The following FAM162A variants were observed in gnomAD, a reference collection of about 807,000 sequenced individuals.
FAM162A encodes the protein protein FAM162A.
FAM162A carries 23 observed loss-of-function variants against 21.8 expected under a neutral mutation model. The observed-to-expected ratio is 1.05, with a 90% CI of 0.76 to 1.49. FAM162A has a LOEUF of 1.49. Ranked by LOEUF, FAM162A falls within the 40% of genes most tolerant of loss-of-function variation. FAM162A has a pLI of 0.00. For synonymous variants in FAM162A, 53 were observed against 61.3 expected (o/e 0.86, Z 0.64); for missense variants, 165 against 186.4 (o/e 0.89, Z 0.67).
chr3:122,397,135 T>G (rs2107697950), intron 1 of FAM162A, among the ~76,000 whole-genome samples: 1 of 152,344 alleles, frequency 6.6e-6, no homozygotes, highest in Admixed American at 6.5e-5. Flanking sequence ...TTTAAAAATC[T>G]TAACAACCAT....
chr3:122,410,811 GATGAA>G lies in FAM162A; in HGVS notation c.*983_*987del, dbSNP rs1269322944. 1 of 152,180 alleles carries G rather than the reference GATGAA, an allele frequency of 6.6e-6. No individual in the cohort carries two copies. 9.4% of individuals were successfully genotyped at this position (152,180 alleles called of 1,614,324 possible). On this transcript the variant is annotated 3_prime_UTR_variant, in exon 5 of 5. Coordinates refer to ENST00000477892, the MANE Select transcript of FAM162A (RefSeq NM_014367.4). ...GATTACATACCATTCAGTGTAGCAT[GATGAA>G]ATCTCTTGCCAATCTGTTCCATCCA...
intron 1 of FAM162A, 40 bp from the exon 2 acceptor site, chr3:122,402,720 C>CTTTT: frequency 6.8e-7 from 1 of 1,461,036 alleles, no homozygotes; most frequent in Non-Finnish European, 9.1e-7. Context: ...ATCACATTTT[C>CTTTT]TTTCTTTCTT....
intron 1 of FAM162A, among the ~76,000 whole-genome samples, chr3:122,393,263 AATG>A (rs2075612021): frequency 1.3e-5 from 2 of 152,152 alleles, no homozygotes; most frequent in South Asian, 4.1e-4. Flanking sequence ...ACCCAAAAGC[AATG>A]ATAACACTGC....
chr3:122,386,941 C>T (rs890378892), intron 1 of FAM162A, among the ~76,000 whole-genome samples: 1 of 152,166 alleles, frequency 6.6e-6, no homozygotes, highest in African/African-American at 2.4e-5. Flanking sequence ...GCAGTTCATG[C>T]TCTTTAAGTT....
intron 1 of FAM162A, among the ~76,000 whole-genome samples, chr3:122,392,147 G>T (rs1354073312): frequency 6.6e-6 from 1 of 152,226 alleles, no homozygotes; most frequent in Non-Finnish European, 1.5e-5. Context: ...TAGCTGAGAG[G>T]CAGTTTGTCT....
At chr3:122,407,743 G>T in intron 4 of FAM162A, 2 of 321,592 alleles carry the variant, frequency 6.2e-6, no homozygotes, top group Non-Finnish European at 1.1e-5. Context: ...GTACCCAAGT[G>T]TATTTACCCT....
rs185586046 is a variant in FAM162A, at chr3:122,404,295, T to C, written c.195T>C (p.Asp65=). The C allele has an allele frequency of 3.1e-6, 5 of 1,609,404 alleles. No individual in the cohort carries two copies. Among genetic ancestry groups the C allele is most frequent in the Middle Eastern group, 1.7e-4 (1 of 6,050 alleles). ...GAGTGCCTTTACACAAACCTACGGA[T>C]TGGCAGAAAAAGATCCTCATATGGT... ...YNRVPLHKPT[D]WQKKILIWSG... The change falls in exon 3 of 5, where the codon GAT becomes GAC. Residue 65 remains aspartate (D), a synonymous_variant. Transcript: ENST00000477892.
At chr3:122,407,477 C>A in intron 4 of FAM162A, 88 bp downstream of exon 4, 1 of 996,062 alleles carries the variant, frequency 1.0e-6, no homozygotes, top group Non-Finnish European at 1.5e-6. Flanking sequence ...TATTTACCCT[C>A]TGAGAAGAGG....
At position 122,409,803 on chromosome 3, in the gene FAM162A, A is replaced by G. The variant is rs2075695601; in HGVS notation, c.437A>G (p.Glu146Gly). 6.2e-7 allele frequency: 1 copy of G among 1,614,000 alleles called. No individual in the cohort carries two copies. The change falls in exon 5 of 5, where the codon GAA becomes GGA. Residue 146 changes from glutamate to glycine, a missense_variant. Coordinates refer to ENST00000477892, the MANE Select transcript of FAM162A (RefSeq NM_014367.4). ...NLEKKARLKE[E>G]AAMKAKTE Reference sequence around the variant, plus strand: ...GAAAAGAAAGCTCGTCTGAAAGAGGAAGCAGCTATGAAGGCCAAAACAGAG... The same window carrying G: ...GAAAAGAAAGCTCGTCTGAAAGAGGGAGCAGCTATGAAGGCCAAAACAGAG...
intron 3 of FAM162A, among the ~76,000 whole-genome samples, chr3:122,404,853 T>G (rs368721275): frequency 3.9e-5 from 6 of 152,280 alleles, no homozygotes; most frequent in East Asian, 1.9e-4. Flanking sequence ...TTTTCAGAGT[T>G]TGTAGATGAT....
chr3:122,394,310 A>G (rs2075617705), intron 1 of FAM162A, among the ~76,000 whole-genome samples: 1 of 152,186 alleles, frequency 6.6e-6, no homozygotes, highest in South Asian at 2.1e-4. Context: ...GATCCAAACT[A>G]TATCAGAAGG....
chr3:122,385,783 G>A (rs541699025), intron 1 of FAM162A, among the ~76,000 whole-genome samples: 1 of 152,292 alleles, frequency 6.6e-6, no homozygotes, highest in African/African-American at 2.4e-5. Flanking sequence ...TATATGAGCA[G>A]CTCTCTCCAT....
chr3:122,396,376 A>G (rs1234609759), intron 1 of FAM162A, among the ~76,000 whole-genome samples: 1 of 152,192 alleles, frequency 6.6e-6, no homozygotes, highest in Non-Finnish European at 1.5e-5. Flanking sequence ...AAGATATGCA[A>G]ATGGCCAATT....
At chr3:122,394,712 G>GA (rs546091110) in intron 1 of FAM162A, among the ~76,000 whole-genome samples, 15 of 152,092 alleles carry the variant, frequency 9.9e-5, no homozygotes, top group African/African-American at 2.4e-4. Context: ...AACATTTAAA[G>GA]AAAAAAATAG....
chr3:122,412,224 T>G lies in FAM162A; in HGVS notation c.*2393T>G, dbSNP rs543223852. 10 of 152,054 alleles carry G rather than the reference T, an allele frequency of 6.6e-5. No homozygotes were observed. Among genetic ancestry groups the G allele is most frequent in the South Asian group, 4.1e-4 (2 of 4,820 alleles). 9.4% of individuals were successfully genotyped at this position (152,054 alleles called of 1,614,324 possible). On this transcript the variant is annotated 3_prime_UTR_variant, in exon 5 of 5. Coordinates refer to ENST00000477892, the MANE Select transcript of FAM162A (RefSeq NM_014367.4). ...TGCTATTTTTTGCTTAATTTCTAGG[T>G]TTTTTTTGCGTGTTTATCATGTCTC...
intron 4 of FAM162A, chr3:122,408,044 A>C (rs1221783057): frequency 6.6e-6 from 1 of 152,242 alleles, no homozygotes; most frequent in Non-Finnish European, 1.5e-5. Context: ...AGAAAGCTTT[A>C]GTAACTTGCC....
intron 1 of FAM162A, among the ~76,000 whole-genome samples, chr3:122,397,533 AGCTTTCATTTCTGTTCCACT>A (rs1291407370): frequency 6.6e-6 from 1 of 152,156 alleles, no homozygotes; most frequent in African/African-American, 2.4e-5. Flanking sequence ...GTGCCTTTCC[AGCTTTCATTTCTGTTCCACT>A]GCTCCACATC....
At chr3:122,409,106 T>G (rs1004764175) in intron 4 of FAM162A, among the ~76,000 whole-genome samples, 21 of 151,920 alleles carry the variant, frequency 1.4e-4, no homozygotes, top group Non-Finnish European at 4.4e-5. Context: ...GTTTCACTAT[T>G]TGGTATAAAA....
chr3:122,384,223 C>G lies in FAM162A; in HGVS notation c.-43C>G, dbSNP rs554271504. The G allele has an allele frequency of 1.3e-6, 2 of 1,555,616 alleles. No individual in the cohort carries two copies. Among genetic ancestry groups the G allele is most frequent in the South Asian group, 1.2e-5 (1 of 84,294 alleles). On this transcript the variant is annotated 5_prime_UTR_variant, in exon 1 of 5. Coordinates refer to ENST00000477892, the MANE Select transcript of FAM162A (RefSeq NM_014367.4). ...ACATTGAGCTCACCAGCGCCACCGT[C>G]CCCGGCGAAGTTCTGCGCTGGTCGG...
Sources: gnomAD v4.1 joint callset for allele counts (sites outside exome capture counted in the v4.1 genomes callset) on GRCh38, gnomAD v4.1.1 for gene constraint, MANE v1.5 for transcripts, NCBI Gene and HGNC (gene_info 2026-07-23, HGNC 2026-07-21) for gene names.